DBP: variants seen among roughly 807,000 people sequenced by gnomAD.
DBP encodes the protein D site-binding protein.
Under a neutral mutation model 21.4 loss-of-function variants are expected in DBP, and 12 were observed. The observed-to-expected ratio is 0.56, with a 90% CI of 0.36 to 0.91. DBP has a LOEUF of 0.91. DBP is among the 40% of genes least tolerant of loss of function. The probability of loss-of-function intolerance (pLI) is 0.01; values close to 1 mark genes in which losing one functional copy is unlikely to be tolerated. For missense variants in DBP, 423 were observed against 473.4 expected, an observed-to-expected ratio of 0.89 and a Z score of 0.99; for synonymous variants, 213 against 224.9, an observed-to-expected ratio of 0.95 and a Z score of 0.47.
chr19:48,630,642 C>G lies in DBP; in HGVS notation c.*195G>C, dbSNP rs1377319225. The G allele has an allele frequency of 1.3e-6, 2 of 1,484,572 alleles. No individual in the cohort carries two copies. 92.0% of individuals were successfully genotyped at this position (1,484,572 alleles called of 1,614,324 possible). On this transcript the variant is annotated 3_prime_UTR_variant, in exon 4 of 4. Coordinates refer to ENST00000222122, the MANE Select transcript of DBP (RefSeq NM_001352.5). This position sits in a 1 kb window ranked among gnomAD's most constrained non-coding sequence, Gnocchi z 4.9. The stretch of plus-strand genomic sequence containing the variant: ...GTCCCTGACGTGCCGGGGACACACA[C>G]AGAGAACCCTCCCCGCCCCCGCAAG...
chr19:48,635,016 G>A (rs151056049), intron 2 of DBP: 1 of 986,030 alleles, frequency 1.0e-6, no homozygotes, highest in East Asian at 1.1e-4. Flanking sequence ...CCAATTGGAG[G>A]ATCCAGAAAC....
At chr19:48,631,296 C>A (rs959466724) in intron 3 of DBP, 1 of 545,972 alleles carries the variant, frequency 1.8e-6, no homozygotes, top group South Asian at 2.4e-5. Flanking sequence ...AAAGCGGACC[C>A]CAGCCCTCCC....
Position 48,631,063 on chromosome 19 carries a change from A to G in DBP, c.763-11T>C, listed in dbSNP as rs775581118. On this transcript the variant is annotated splice_polypyrimidine_tract_variant and intron_variant, in intron 3 of 3. Transcript: ENST00000222122. ...CCAGTATTTCTCATCCTGCAGGAGA[A>G]GAGGGGGAGAGCACTGAGGTCCAGA... 2 of 1,609,674 alleles carry G rather than the reference A, an allele frequency of 1.2e-6. No homozygotes were observed. Among genetic ancestry groups the G allele is most frequent in the South Asian group, 1.1e-5 (1 of 90,634 alleles).
rs529200208 is a variant in DBP at position 48,635,375 on chromosome 19, G to T, written c.550+205C>A. On this transcript the variant is annotated intron_variant, in intron 2 of 3. Transcript: ENST00000222122. The stretch of plus-strand genomic sequence containing the variant: ...GGCTTCCTGGAATTTAGGGTTCCAA[G>T]TCTCTCCTCCCCCATGGATCCATTG... 3.6e-6 allele frequency: 5 copies of T among 1,391,718 alleles called. No individual in the cohort carries two copies. In the African/African-American group the frequency reaches 7.8e-5, roughly 22 times the overall value. The allele number at this position is 1,391,718 out of a possible 1,614,324, so 86.2% of individuals were successfully genotyped here.
Position 48,637,228 on chromosome 19 carries a change from A to AG in DBP, c.-235dup. On this transcript the variant is annotated 5_prime_UTR_variant, in exon 1 of 4. Coordinates refer to ENST00000222122, the MANE Select transcript of DBP (RefSeq NM_001352.5). ...CCCGGGAGATCATGCAATCTGGGCG[A>AG]GGGGGTGTCCAGATCAAGCGGTCGG... 4.7e-6 allele frequency: 2 copies of AG among 421,472 alleles called. No homozygotes were observed. The highest frequency in any genetic ancestry group is 4.2e-6 in the Non-Finnish European group (1 of 237,340). The allele number at this position is 421,472 out of a possible 1,614,324, so 26.1% of individuals were successfully genotyped here.
chr19:48,635,813 T>C lies in DBP; in HGVS notation c.317A>G (p.Glu106Gly). The C allele has an allele frequency of 7.0e-7, 1 of 1,433,034 alleles. No individual in the cohort carries two copies. Among genetic ancestry groups the C allele is most frequent in the Non-Finnish European group, 9.1e-7 (1 of 1,102,254 alleles). 88.8% of individuals were successfully genotyped at this position (1,433,034 alleles called of 1,614,324 possible). A position where few individuals can be genotyped will look rare whatever the true frequency, so the allele number is the denominator to read the frequency against. The change falls in exon 2 of 4, where the codon GAG (glutamate) becomes GGG (glycine). Residue 106 changes from glutamate (E) to glycine (G), a missense_variant. Glu to Gly is a moderately conservative substitution (Grantham distance 98, BLOSUM62 -2). Coordinates refer to ENST00000222122, the MANE Select transcript of DBP (RefSeq NM_001352.5). ...CACATCGCCGAACGGCAGCGTGCGC[T>C]CCCACAGCAGTGGCGCCAACAGACC... ...APGLLAPLLWERTLPFGDVEY... is the reference protein window; with the variant it reads ...APGLLAPLLWGRTLPFGDVEY...
At position 48,630,670 on chromosome 19, in the gene DBP, AG is replaced by A. The variant is rs1568438221; in HGVS notation, c.*166del. ...AGAACCCTCCCCGCCCCCGCAAGGGAGGGGGGAGGCTCGCTTTTTCTTAAAA... is the reference window on the plus strand; with the variant it reads ...AGAACCCTCCCCGCCCCCGCAAGGGAGGGGGAGGCTCGCTTTTTCTTAAAA... On this transcript the variant is annotated 3_prime_UTR_variant, in exon 4 of 4. Transcript: ENST00000222122. This position sits in a 1 kb window ranked among gnomAD's most constrained non-coding sequence, Gnocchi z 4.9. 2.4e-5 allele frequency: 34 copies of A among 1,422,502 alleles called. No homozygotes were observed. The highest frequency in any genetic ancestry group is 3.0e-5 in the Non-Finnish European group (32 of 1,075,858). 88.1% of individuals were successfully genotyped at this position (1,422,502 alleles called of 1,614,324 possible).
chr19:48,630,764 G>A lies in DBP; in HGVS notation c.*73C>T. The A allele has an allele frequency of 6.7e-7, 1 of 1,493,014 alleles. No individual in the cohort carries two copies. The highest frequency in any genetic ancestry group is 9.0e-7 in the Non-Finnish European group (1 of 1,109,048). The allele number at this position is 1,493,014 out of a possible 1,614,324, so 92.5% of individuals were successfully genotyped here. A position where few individuals can be genotyped will look rare whatever the true frequency, so the allele number is the denominator to read the frequency against. ...CAGCTGGCCGGCCCGTGGGCCACAGGGCAGGAAGGGAACAGGGCGTAAGTC... is the reference window on the plus strand; with the variant it reads ...CAGCTGGCCGGCCCGTGGGCCACAGAGCAGGAAGGGAACAGGGCGTAAGTC... On this transcript the variant is annotated 3_prime_UTR_variant, in exon 4 of 4. Transcript: ENST00000222122. This position sits in a 1 kb window ranked among gnomAD's most constrained non-coding sequence, Gnocchi z 4.9.
intron 3 of DBP, chr19:48,631,681 G>C (rs2147708798): frequency 6.6e-6 from 1 of 152,552 alleles, no homozygotes; most frequent in Non-Finnish European, 1.5e-5. Flanking sequence ...CTGTCTCTTA[G>C]GAAAGGGGAC....
intron 2 of DBP, 91 bp from the exon 3 acceptor site, chr19:48,633,746 A>G (rs1408239769): frequency 1.7e-5 from 18 of 1,088,874 alleles, no homozygotes; most frequent in Non-Finnish European, 2.4e-5. Flanking sequence ...AGCCACATGG[A>G]AAGTCCTTCT....
Position 48,635,563 on chromosome 19 carries a change from CG to C in DBP, c.550+16del. The stretch of plus-strand genomic sequence containing the variant: ...AGCCCCGCCCCGTCAGGACCCGCCC[CG>C]CCCCCTTCGCCGCACCTGCGCGGTG... On this transcript the variant is annotated intron_variant, in intron 2 of 3. Transcript: ENST00000222122. The C allele has an allele frequency of 2.1e-6, 3 of 1,398,066 alleles. 1 individual carries two copies. In the South Asian group the frequency reaches 4.6e-5, roughly 21 times the overall value. The allele number at this position is 1,398,066 out of a possible 1,614,324, so 86.6% of individuals were successfully genotyped here.
rs35839333 is a variant in DBP, at chr19:48,633,609, C to G, written c.597G>C (p.Val199=). ...DTPSPVDPDT[V]EVLMTFEPDP... ...CGGGTTCAAAGGTCATCAACACCTCCACGGTGTCTGGGTCCACAGGGCTGG... is the reference window on the plus strand; with the variant it reads ...CGGGTTCAAAGGTCATCAACACCTCGACGGTGTCTGGGTCCACAGGGCTGG... Residue 199 remains valine (V), a synonymous_variant, in exon 3 of 4, where the codon GTG becomes GTC. Transcript: ENST00000222122. The G allele has an allele frequency of 6.2e-7, 1 of 1,614,034 alleles. No homozygotes were observed. Among genetic ancestry groups the G allele is most frequent in the African/African-American group, 1.3e-5 (1 of 74,912 alleles).
Position 48,630,342 on chromosome 19 carries a change from G to A in DBP, c.*495C>T. 1.5e-6 allele frequency: 2 copies of A among 1,308,760 alleles called. No homozygotes were observed. Among genetic ancestry groups the A allele is most frequent in the South Asian group, 2.3e-5 (1 of 43,288 alleles). The allele number at this position is 1,308,760 out of a possible 1,614,324, so 81.1% of individuals were successfully genotyped here. On this transcript the variant is annotated 3_prime_UTR_variant, in exon 4 of 4. Coordinates refer to ENST00000222122, the MANE Select transcript of DBP (RefSeq NM_001352.5). This position sits in a 1 kb window ranked among gnomAD's most constrained non-coding sequence, Gnocchi z 4.9. Reference sequence around the variant, plus strand: ...CCTGTTCGTCTCATGCGCGTCCTCCGTCCCCAATCTAAAAAGCAATTGAAA... The same window carrying A: ...CCTGTTCGTCTCATGCGCGTCCTCCATCCCCAATCTAAAAAGCAATTGAAA...
chr19:48,635,449 C>G, intron 2 of DBP, 131 bp downstream of exon 2: 2 of 1,477,986 alleles, frequency 1.4e-6, no homozygotes, highest in Non-Finnish European at 1.8e-6. Context: ...CCCACGACAC[C>G]TCTCGACAAC....
At chr19:48,635,193 C>A in intron 2 of DBP, 9 of 1,097,374 alleles carry the variant, frequency 8.2e-6, no homozygotes, top group Non-Finnish European at 1.0e-5. Flanking sequence ...GGGCTCCAGT[C>A]CTATCCCAGT....
intron 2 of DBP, chr19:48,635,130 G>T (rs2030735311): frequency 1.0e-6 from 1 of 1,001,472 alleles, no homozygotes; most frequent in Non-Finnish European, 1.2e-6. Context: ...TTATGTCCTG[G>T]GTAAACAGAA....
At chr19:48,636,776 T>C (rs1051092406) in intron 1 of DBP, 80 bp downstream of exon 1, 4 of 1,526,142 alleles carry the variant, frequency 2.6e-6, no homozygotes, top group Non-Finnish European at 3.5e-6. Flanking sequence ...CGCAGGTTTC[T>C]ATGGGACCCC....
chr19:48,630,175 G>A lies in DBP; in HGVS notation c.*662C>T, dbSNP rs995714328. On this transcript the variant is annotated 3_prime_UTR_variant, in exon 4 of 4. Coordinates refer to ENST00000222122, the MANE Select transcript of DBP (RefSeq NM_001352.5). This position sits in a 1 kb window ranked among gnomAD's most constrained non-coding sequence, Gnocchi z 4.9. Reference sequence around the variant, plus strand: ...AGGCCTCAGTGAGTCGGCCGGTCAGGGCCCGCAGCCTCGCCCCATCCACTC... The same window carrying A: ...AGGCCTCAGTGAGTCGGCCGGTCAGAGCCCGCAGCCTCGCCCCATCCACTC... The A allele has an allele frequency of 1.6e-6, 2 of 1,248,060 alleles. No homozygotes were observed. The highest frequency in any genetic ancestry group is 2.0e-6 in the Non-Finnish European group (2 of 994,374). 77.3% of individuals were successfully genotyped at this position (1,248,060 alleles called of 1,614,324 possible). A position where few individuals can be genotyped will look rare whatever the true frequency, so the allele number is the denominator to read the frequency against.
chr19:48,635,781 C>T lies in DBP; in HGVS notation c.349G>A (p.Val117Ile). 1 of 1,435,092 alleles carries T rather than the reference C, an allele frequency of 7.0e-7. No homozygotes were observed. Among genetic ancestry groups the T allele is most frequent in the Non-Finnish European group, 9.1e-7 (1 of 1,102,224 alleles). The allele number at this position is 1,435,092 out of a possible 1,614,324, so 88.9% of individuals were successfully genotyped here. The change falls in exon 2 of 4, where the codon GTA (valine) becomes ATA (isoleucine). Residue 117 changes from valine (V) to isoleucine (I), a missense_variant. Coordinates refer to ENST00000222122, the MANE Select transcript of DBP (RefSeq NM_001352.5). The stretch of plus-strand genomic sequence containing the variant: ...TCCAGCAGGAAGGCGTCCAGGTCTA[C>T]GTACTCCACATCGCCGAACGGCAGC... ...RTLPFGDVEY[V>I]DLDAFLLEHG...
Sources: allele counts gnomAD v4.1 joint callset, GRCh38; gene constraint gnomAD v4.1.1; non-coding constraint Gnocchi (gnomAD v3.1); transcripts MANE v1.5; gene names NCBI Gene and HGNC (gene_info 2026-07-23, HGNC 2026-07-21).